Variants in ADRA1A observed in about 807,000 individuals in gnomAD.
The protein encoded by ADRA1A is adrenoceptor alpha 1A.
A neutral mutation model predicts 29.6 loss-of-function variants in ADRA1A; 31 were observed. That is an observed-to-expected ratio of 1.05 (90% CI 0.79 to 1.41). The LOEUF is 1.41. Ranked by LOEUF, ADRA1A falls within the 40% of genes most tolerant of loss-of-function variation. ADRA1A has a pLI of 0.00. For synonymous variants in ADRA1A, 311 were observed against 254.3 expected (o/e 1.22, Z -2.12); for missense variants, 619 against 601.1 (o/e 1.03, Z -0.31).
chr8:26,748,820 C>A, intron 2 of ADRA1A: 2 of 384,216 alleles, frequency 5.2e-6, no homozygotes, highest in South Asian at 3.9e-5. Flanking sequence ...TTCAGCATGG[C>A]TTTTTATAGT....
intron 2 of ADRA1A, among the ~76,000 whole-genome samples, chr8:26,820,594 A>G (rs760430877): frequency 6.6e-6 from 1 of 152,048 alleles, no homozygotes; most frequent in Non-Finnish European, 1.5e-5. Flanking sequence ...TAGACTGAGC[A>G]TTTTCTGGCT....
chr8:26,763,577 C>T (rs946019881), downstream of ADRA1A, among the ~76,000 whole-genome samples: 1 of 139,810 alleles, frequency 7.2e-6, no homozygotes, highest in Non-Finnish European at 1.5e-5. The surrounding 1 kb of genome is among the most constrained non-coding windows in gnomAD (Gnocchi z 4.5). Context: ...GGACTTGCCA[C>T]TTTATCCAAT....
At chr8:26,756,975 T>G (rs1254009049) in intron 2 of ADRA1A, 2 of 806,526 alleles carry the variant, frequency 2.5e-6, no homozygotes, top group East Asian at 5.3e-5. Context: ...ATTTCCTCAT[T>G]AGCCAGGCTG....
chr8:26,859,540 G>A (rs2130781998), intron 2 of ADRA1A, among the ~76,000 whole-genome samples: 1 of 152,314 alleles, frequency 6.6e-6, no homozygotes, highest in Non-Finnish European at 1.5e-5. Flanking sequence ...AGACTGTGAG[G>A]CCCTTGAGGG....
Position 26,778,279 on chromosome 8 carries a change from C to T in ADRA1A, c.884-7613G>A, listed in dbSNP as rs143146177. Among the ~76,000 whole-genome samples the T allele has an allele frequency of 4.7e-3, 714 of 152,256 alleles. 8 individuals carry two copies. Among genetic ancestry groups the T allele is most frequent in the African/African-American group, 0.016 (675 of 41,546 alleles). On this transcript the variant is annotated intron_variant, in intron 2 of 2. Coordinates refer to ENST00000380573, the MANE Select transcript of ADRA1A (RefSeq NM_000680.4). ...ATGTAGACATTTCTCCCTAGAAGAC[C>T]TCCTTGTGTCCAATAAATAATTTGA...
chr8:26,848,826 T>C lies in ADRA1A; in HGVS notation c.883+15261A>G, dbSNP rs17296809. Among the ~76,000 whole-genome samples the C allele has an allele frequency of 0.053, 8,000 of 152,288 alleles. 299 individuals are homozygous for C. Among genetic ancestry groups the C allele is most frequent in the Admixed American group, 0.11 (1,626 of 15,302 alleles). On this transcript the variant is annotated intron_variant, in intron 2 of 2. Coordinates refer to ENST00000380573, the MANE Select transcript of ADRA1A (RefSeq NM_000680.4). This position sits in a 1 kb window ranked among gnomAD's most constrained non-coding sequence, Gnocchi z 4.3. The stretch of plus-strand genomic sequence containing the variant: ...TGTAGGGATTCTGTTACTGTCTCAC[T>C]GCACAGTTGTCTTCCTCTAACTGTT...
In ADRA1A at chr8:26,864,981, G is replaced by C. The variant is rs770759930; in HGVS notation, c.-12C>G. On this transcript the variant is annotated 5_prime_UTR_variant, in exon 2 of 3. Transcript: ENST00000380573. The surrounding 1 kb of genome is among the most constrained non-coding windows in gnomAD (Gnocchi z 8.1). Reference sequence around the variant, plus strand: ...GAGAGAAACACCATGGTCCCAGCCGGGGCCGGGCGAGGTCCGGCTGTCCAG... The same window carrying C: ...GAGAGAAACACCATGGTCCCAGCCGCGGCCGGGCGAGGTCCGGCTGTCCAG... 9 of 1,583,094 alleles carry C rather than the reference G, an allele frequency of 5.7e-6. No individual in the cohort carries two copies. The Admixed American group carries it at 1.5e-4, about 27-fold the overall frequency.
chr8:26,760,974 G>A (rs533698904), downstream of ADRA1A, among the ~76,000 whole-genome samples: 2 of 152,290 alleles, frequency 1.3e-5, no homozygotes, highest in East Asian at 1.9e-4. Flanking sequence ...GTAACTAGTG[G>A]TTGGATCTTA....
chr8:26,780,890 C>CT (rs1353176184), intron 2 of ADRA1A, among the ~76,000 whole-genome samples: 2 of 152,236 alleles, frequency 1.3e-5, no homozygotes, highest in African/African-American at 4.8e-5. Flanking sequence ...GTTGCTGTCT[C>CT]CATCACCCCC....
exon 3 of ADRA1A, chr8:26,756,714 C>A (rs773596300): frequency 6.2e-7 from 1 of 1,613,950 alleles, no homozygotes; most frequent in Admixed American, 1.7e-5. Flanking sequence ...TCATGCTCCC[C>A]TTCCTTGGGC....
At position 26,865,172 on chromosome 8, in the gene ADRA1A, G is replaced by A. The variant is rs1484911394; in HGVS notation, c.-203C>T. On this transcript the variant is annotated 5_prime_UTR_variant, in exon 2 of 3. Transcript: ENST00000380573. This position sits in a 1 kb window ranked among gnomAD's most constrained non-coding sequence, Gnocchi z 7.6. ...GGAACCCTCAGAAGGCCACATGAAGGGGCAGGGCATTAAAGACATGGCCAG... is the reference window on the plus strand; with the variant it reads ...GGAACCCTCAGAAGGCCACATGAAGAGGCAGGGCATTAAAGACATGGCCAG... 2.8e-6 allele frequency: 4 copies of A among 1,422,010 alleles called. No homozygotes were observed. The highest frequency in any genetic ancestry group is 3.7e-6 in the Non-Finnish European group (4 of 1,091,930). The allele number at this position is 1,422,010 out of a possible 1,614,324, so 88.1% of individuals were successfully genotyped here.
Position 26,770,267 on chromosome 8 carries a change from C to T in ADRA1A, c.1283G>A (p.Ser428Asn), listed in dbSNP as rs753632480. ...TACACAGCAGCAGACCTGCAAAAAGCTTTTACTTCTCACCCGGGCTGTGGT... is the reference window on the plus strand; with the variant it reads ...TACACAGCAGCAGACCTGCAAAAAGTTTTTACTTCTCACCCGGGCTGTGGT... ...SCTTARVRSKSFLQVCCCVGP... is the reference protein window; with the variant it reads ...SCTTARVRSKNFLQVCCCVGP... The change falls in exon 3 of 3, where the codon AGC becomes AAC. Residue 428 changes from serine (S) to asparagine (N), a missense_variant. By Grantham distance (46) the Ser-to-Asn change is conservative (BLOSUM62 1). Coordinates refer to ENST00000380573, the MANE Select transcript of ADRA1A (RefSeq NM_000680.4). 2 of 1,614,018 alleles carry T rather than the reference C, an allele frequency of 1.2e-6. No homozygotes were observed. The highest frequency in any genetic ancestry group is 2.2e-5 in the East Asian group (1 of 44,896).
chr8:26,812,935 G>A (rs1460904309), intron 2 of ADRA1A, among the ~76,000 whole-genome samples: 28 of 151,958 alleles, frequency 1.8e-4, no homozygotes, highest in Admixed American at 1.6e-3. Context: ...CAAAGTGCTG[G>A]GATTACAGGC....
intron 2 of ADRA1A, chr8:26,854,412 T>C (rs1812848766): frequency 2.0e-5 from 1 of 50,352 alleles, no homozygotes; most frequent in African/African-American, 8.2e-5. Flanking sequence ...ATGCCTGAAG[T>C]TAAAGCGGGG....
intron 2 of ADRA1A, among the ~76,000 whole-genome samples, chr8:26,758,730 A>C (rs1805337314): frequency 6.6e-6 from 1 of 152,112 alleles, no homozygotes; most frequent in African/African-American, 2.4e-5. Context: ...ATTGGGGTGG[A>C]GTTGGGAAGG....
downstream of ADRA1A, among the ~76,000 whole-genome samples, chr8:26,753,135 T>G (rs1804994601): frequency 6.6e-6 from 1 of 152,300 alleles, no homozygotes; most frequent in African/African-American, 2.4e-5. Context: ...GGCTTTCAGG[T>G]TCTGAGCCCA....
At chr8:26,847,995 T>C (rs1812338248) in intron 2 of ADRA1A, among the ~76,000 whole-genome samples, 1 of 152,176 alleles carries the variant, frequency 6.6e-6, no homozygotes, top group African/African-American at 2.4e-5. Flanking sequence ...GCTGAGAAGT[T>C]TGAAAGCCAC....
intron 2 of ADRA1A, among the ~76,000 whole-genome samples, chr8:26,836,693 T>C (rs1353631102): frequency 6.6e-6 from 1 of 152,202 alleles, no homozygotes; most frequent in South Asian, 2.1e-4. Context: ...AAACTGCAGG[T>C]AACACATATA....
chr8:26,852,658 T>C (rs1400423119), intron 2 of ADRA1A, among the ~76,000 whole-genome samples: 1 of 151,988 alleles, frequency 6.6e-6, no homozygotes, highest in African/African-American at 2.4e-5. Context: ...ATGGAAGAAA[T>C]AGAAACCAGT....
Sources: allele counts gnomAD v4.1 joint callset (sites outside exome capture counted in the v4.1 genomes callset), GRCh38; gene constraint gnomAD v4.1.1; non-coding constraint Gnocchi (gnomAD v3.1); transcripts MANE v1.5; gene names NCBI Gene and HGNC (gene_info 2026-07-23, HGNC 2026-07-21).